TMEFF1: variants seen among roughly 807,000 people sequenced by gnomAD.
The protein encoded by TMEFF1 is transmembrane protein with EGF like and two follistatin like domains 1.
A neutral mutation model predicts 47.5 loss-of-function variants in TMEFF1; 20 were observed. That is an observed-to-expected ratio of 0.42 (90% CI 0.30 to 0.61). The LOEUF is 0.61. Among genes scored for constraint, TMEFF1 ranks in the 20% least tolerant of loss-of-function variants. The pLI is 0.19. For synonymous variants in TMEFF1, 162 were observed against 166.3 expected, an observed-to-expected ratio of 0.97 and a Z score of 0.20; for missense variants, 411 against 471.1, an observed-to-expected ratio of 0.87 and a Z score of 1.18.
At chr9:100,571,805 G>A (rs2062774227) in intron 8 of TMEFF1, among the ~76,000 whole-genome samples, 1 of 152,106 alleles carries the variant, frequency 6.6e-6, no homozygotes, top group Non-Finnish European at 1.5e-5. Context: ...CCTGCAATTA[G>A]ACAGTCCCAT....
chr9:100,541,155 A>T (rs1838619591), intron 5 of TMEFF1, among the ~76,000 whole-genome samples: 1 of 152,142 alleles, frequency 6.6e-6, no homozygotes, highest in Non-Finnish European at 1.5e-5. Context: ...GAGAAAAATG[A>T]TGGACCTCTA....
At chr9:100,529,550 A>C (rs1167479731) in intron 5 of TMEFF1, among the ~76,000 whole-genome samples, 5 of 151,558 alleles carry the variant, frequency 3.3e-5, no homozygotes, top group African/African-American at 1.2e-4. Context: ...AACTATCCTA[A>C]ATATATATGC....
intron 1 of TMEFF1, among the ~76,000 whole-genome samples, chr9:100,476,948 G>A (rs977758872): frequency 7.9e-5 from 12 of 152,104 alleles, no homozygotes; most frequent in Admixed American, 3.3e-4. Context: ...TGCCAGCCTC[G>A]GCCTCCCAAA....
chr9:100,552,182 T>C (rs1338008197), intron 7 of TMEFF1, among the ~76,000 whole-genome samples: 3 of 152,138 alleles, frequency 2.0e-5, no homozygotes, highest in African/African-American at 7.2e-5. Context: ...TAGACTTTAT[T>C]TGTGGGCAGT....
At chr9:100,533,640 T>C (rs1838445040) in intron 5 of TMEFF1, among the ~76,000 whole-genome samples, 1 of 152,122 alleles carries the variant, frequency 6.6e-6, no homozygotes, top group Non-Finnish European at 1.5e-5. Context: ...TCCTTCTTTT[T>C]GTTTTTATTG....
intron 5 of TMEFF1, among the ~76,000 whole-genome samples, chr9:100,539,687 T>C (rs1030939791): frequency 6.6e-6 from 1 of 152,142 alleles, no homozygotes; most frequent in African/African-American, 2.4e-5. Flanking sequence ...AGATTTATTG[T>C]GAAGAGTGAA....
At chr9:100,486,782 G>A (rs1837457935) in intron 1 of TMEFF1, among the ~76,000 whole-genome samples, 1 of 152,008 alleles carries the variant, frequency 6.6e-6, no homozygotes, top group South Asian at 2.1e-4. Context: ...ACAGACGTGT[G>A]CCACCATATC....
chr9:100,504,519 T>TA (rs201372075), intron 2 of TMEFF1, among the ~76,000 whole-genome samples: 1,620 of 152,364 alleles, frequency 0.011, 13 homozygotes, highest in Non-Finnish European at 0.016. Flanking sequence ...GGCAAATACT[T>TA]ACGACTGAGA....
chr9:100,527,742 G>A (rs986125992), intron 5 of TMEFF1, among the ~76,000 whole-genome samples: 4 of 152,122 alleles, frequency 2.6e-5, no homozygotes, highest in Non-Finnish European at 4.4e-5. Flanking sequence ...GCCCACCACA[G>A]CTCAAGGAGG....
Position 100,556,395 on chromosome 9 carries a change from C to T in TMEFF1, c.776-5002C>T, listed in dbSNP as rs115072393. On this transcript the variant is annotated intron_variant, in intron 7 of 9. Coordinates refer to ENST00000374879, the MANE Select transcript of TMEFF1 (RefSeq NM_003692.5). ...CTTCAATAAAGAGGACAGTTTGGTT[C>T]TACTAAACTCTTAAATGTGCGGGGT... Among the ~76,000 whole-genome samples, 154 of 152,186 alleles carry T rather than the reference C, an allele frequency of 1.0e-3. 1 individual carries two copies. The highest frequency in any genetic ancestry group is 3.5e-3 in the African/African-American group (147 of 41,528).
Position 100,473,474 on chromosome 9 carries a change from G to GACTGTC in TMEFF1, c.-71_-70insACTGTC. On this transcript the variant is annotated 5_prime_UTR_variant, in exon 1 of 10. Coordinates refer to ENST00000374879, the MANE Select transcript of TMEFF1 (RefSeq NM_003692.5). This position sits in a 1 kb window ranked among gnomAD's most constrained non-coding sequence, Gnocchi z 5.4. ...TAGGAGGCACCGAGGCAGCGGCGGG[G>GACTGTC]CTCTGGGCGCGCGGCTGGATGCCCC... 8.2e-7 allele frequency: 1 copy of GACTGTC among 1,222,562 alleles called. No homozygotes were observed. Among genetic ancestry groups the GACTGTC allele is most frequent in the South Asian group, 2.9e-5 (1 of 34,650 alleles). 75.7% of individuals were successfully genotyped at this position (1,222,562 alleles called of 1,614,324 possible).
intron 8 of TMEFF1, among the ~76,000 whole-genome samples, chr9:100,563,788 A>T (rs971039020): frequency 2.0e-5 from 3 of 152,182 alleles, no homozygotes; most frequent in African/African-American, 7.2e-5. Flanking sequence ...GTAGGTACTC[A>T]GTAAATATTT....
intron 8 of TMEFF1, among the ~76,000 whole-genome samples, chr9:100,563,459 G>A (rs1013538651): frequency 6.6e-6 from 1 of 152,222 alleles, no homozygotes; most frequent in African/African-American, 2.4e-5. Flanking sequence ...GAAAGTAAGA[G>A]GATTGAATCG....
intron 1 of TMEFF1, among the ~76,000 whole-genome samples, chr9:100,482,206 T>G (rs1213248719): frequency 6.6e-6 from 1 of 150,822 alleles, no homozygotes; most frequent in Non-Finnish European, 1.5e-5. Context: ...TTTCTTTTCT[T>G]TTTTTTTTGG....
At chr9:100,549,032 T>C (rs1838786733) in intron 6 of TMEFF1, among the ~76,000 whole-genome samples, 1 of 152,204 alleles carries the variant, frequency 6.6e-6, no homozygotes, top group East Asian at 1.9e-4. Flanking sequence ...AATGATACTC[T>C]ACTCTTTGGA....
Position 100,561,418 on chromosome 9 carries a change from A to G in TMEFF1, c.797A>G (p.Asp266Gly). Reference protein sequence around the residue: ...DVKDASDQREDVYIGNHMPCP... With the variant: ...DVKDASDQREGVYIGNHMPCP... The stretch of plus-strand genomic sequence containing the variant: ...TAAGATGCTAGTGATCAAAGAGAAG[A>G]TGTTTATATTGGAAACCACATGCCT... The change falls in exon 8 of 10, where the codon GAT (aspartate) becomes GGT (glycine). Residue 266 changes from aspartate to glycine, a missense_variant. By Grantham distance (94) the Asp-to-Gly change is moderately conservative (BLOSUM62 -1). Transcript: ENST00000374879. The G allele has an allele frequency of 6.2e-7, 1 of 1,613,222 alleles. No homozygotes were observed. The highest frequency in any genetic ancestry group is 8.5e-7 in the Non-Finnish European group (1 of 1,179,648).
At chr9:100,475,174 G>C (rs568781630) in intron 1 of TMEFF1, among the ~76,000 whole-genome samples, 1 of 152,304 alleles carries the variant, frequency 6.6e-6, no homozygotes, top group East Asian at 1.9e-4. Flanking sequence ...TTCTGGAAGA[G>C]TGAGGAAGGA....
chr9:100,576,367 G>A (rs988544809), intron 9 of TMEFF1, 149 bp from the exon 10 acceptor site: 2 of 1,001,820 alleles, frequency 2.0e-6, no homozygotes, highest in Non-Finnish European at 2.9e-6. Flanking sequence ...ATCTTGTCTT[G>A]CAACAGATAC....
At chr9:100,552,819 A>G (rs1587852402) in intron 7 of TMEFF1, among the ~76,000 whole-genome samples, 1 of 151,046 alleles carries the variant, frequency 6.6e-6, no homozygotes, top group Non-Finnish European at 1.5e-5. Context: ...CTGAGATCGC[A>G]CCACTACACT....
Sources: allele counts gnomAD v4.1 joint callset (sites outside exome capture counted in the v4.1 genomes callset), GRCh38; gene constraint gnomAD v4.1.1; non-coding constraint Gnocchi (gnomAD v3.1); transcripts MANE v1.5; gene names NCBI Gene and HGNC (gene_info 2026-07-23, HGNC 2026-07-21).